Variants in GALNT16 observed in about 807,000 individuals in gnomAD.
GALNT16 encodes UDP-GalNAc:polypeptide N-acetylgalactosaminyltransferase-like protein 1.
Under a neutral mutation model 76.1 loss-of-function variants are expected in GALNT16, and 40 were observed. The ratio of observed to expected loss-of-function variants is 0.53; its 90% CI spans 0.41 to 0.68. The LOEUF is 0.68. GALNT16 is among the 30% of genes least tolerant of loss of function. The pLI is 0.00. For synonymous variants in GALNT16, 276 were observed against 285.2 expected (o/e 0.97, Z 0.32); for missense variants, 621 against 731.9 (o/e 0.85, Z 1.75).
At chr14:69,262,883 CTTT>C (rs5809423) in intron 1 of GALNT16, among the ~76,000 whole-genome samples, 1,875 of 138,902 alleles carry the variant, frequency 0.013, 39 homozygotes, top group African/African-American at 0.049. Flanking sequence ...TTCTTTTTTT[CTTT>C]TTTTTTTTTT....
rs1022697988 is a variant in GALNT16, at chr14:69,353,114, C to A, written c.*946C>A. 1.8e-4 allele frequency among the ~76,000 whole-genome samples: 27 copies of A among 152,172 alleles called. No individual in the cohort carries two copies. Among genetic ancestry groups the A allele is most frequent in the African/African-American group, 5.8e-4 (24 of 41,436 alleles). On this transcript the variant is annotated 3_prime_UTR_variant, in exon 15 of 15. Coordinates refer to ENST00000448469, the MANE Select transcript of GALNT16 (RefSeq NM_001168368.2). Reference sequence around the variant, plus strand: ...GTAGCCACACACATCCCTGAGTAGTCCCAGCCTCATTTGTCATTTTTGACT... The same window carrying A: ...GTAGCCACACACATCCCTGAGTAGTACCAGCCTCATTTGTCATTTTTGACT...
downstream of GALNT16, chr14:69,356,554 C>CTTTTTTTTTTTTTTGTTTTTT (rs2045694586): frequency 8.5e-6 from 1 of 117,330 alleles, no homozygotes; most frequent in Non-Finnish European, 1.7e-5. Context: ...GCTGTGAGCT[C>CTTTTTTTTTTTTTTGTTTTTT]TTTTTTTTTT....
chr14:69,382,048 G>A, the GALNT16 span, among the ~76,000 whole-genome samples: 1 of 152,194 alleles, frequency 6.6e-6, no homozygotes, highest in Non-Finnish European at 1.5e-5. Context: ...TATTAGCTAG[G>A]TAATGCTGGA....
chr14:69,282,670 T>G (rs1229013621), intron 1 of GALNT16, among the ~76,000 whole-genome samples: 1 of 151,574 alleles, frequency 6.6e-6, no homozygotes, highest in Non-Finnish European at 1.5e-5. Flanking sequence ...ATTTATTTAT[T>G]TATTTATTTA....
At position 69,315,809 on chromosome 14, in the gene GALNT16, TAAA is replaced by T. The variant is rs1041733568; in HGVS notation, c.178-4893_178-4891del. 5.4e-5 allele frequency among the ~76,000 whole-genome samples: 8 copies of T among 149,402 alleles called. No individual in the cohort carries two copies. In the South Asian group the frequency reaches 1.7e-3, roughly 32 times the overall value. The stretch of plus-strand genomic sequence containing the variant: ...AGAACACCCAACTCAAATCAGTTTT[TAAA>T]AAAAAAAATATGTAGGTAGGTAGGT... On this transcript the variant is annotated intron_variant, in intron 1 of 14. Coordinates refer to ENST00000448469, the MANE Select transcript of GALNT16 (RefSeq NM_001168368.2).
chr14:69,352,384 G>A lies in GALNT16; in HGVS notation c.*216G>A, dbSNP rs75088740. ...CTCAGTGCTGTCCTGGCCTTGCCCC[G>A]GGAGAGGAGATGGTCAGGGTGCTGG... is the stretch of plus-strand genomic sequence containing the variant. On this transcript the variant is annotated 3_prime_UTR_variant, in exon 15 of 15. Transcript: ENST00000448469. 73,581 of 546,744 alleles carry A rather than the reference G, an allele frequency of 0.13. 5,888 individuals are homozygous for A. Among genetic ancestry groups the A allele is most frequent in the Middle Eastern group, 0.22 (463 of 2,060 alleles). The allele number at this position is 546,744 out of a possible 1,614,324, so 33.9% of individuals were successfully genotyped here. A position where few individuals can be genotyped will look rare whatever the true frequency, so the allele number is the denominator to read the frequency against.
At chr14:69,285,040 C>CG (rs35894482) in intron 1 of GALNT16, among the ~76,000 whole-genome samples, 2,107 of 127,462 alleles carry the variant, frequency 0.017, 74 homozygotes, top group African/African-American at 0.055. Context: ...CTCGGGCACT[C>CG]TTTTTTTTTT....
chr14:69,291,801 C>A (rs192948971), intron 1 of GALNT16, among the ~76,000 whole-genome samples: 1 of 152,342 alleles, frequency 6.6e-6, no homozygotes, highest in Non-Finnish European at 1.5e-5. Context: ...CATGAGAATG[C>A]TCACAGGCTT....
chr14:69,295,844 C>T (rs998557251), intron 1 of GALNT16, among the ~76,000 whole-genome samples: 1 of 151,966 alleles, frequency 6.6e-6, no homozygotes, highest in Admixed American at 6.6e-5. Flanking sequence ...GGTTCTAAGA[C>T]CAAGGAGTAT....
intron 1 of GALNT16, among the ~76,000 whole-genome samples, chr14:69,285,089 G>A (rs1206571206): frequency 2.1e-5 from 3 of 144,860 alleles, no homozygotes; most frequent in Non-Finnish European, 4.5e-5. Context: ...CGCCCAGGCT[G>A]GAGTGGGGCA....
At chr14:69,331,657 C>T (rs71423354) in intron 7 of GALNT16, 106 bp downstream of exon 7, 1 of 734,310 alleles carries the variant, frequency 1.4e-6, no homozygotes, top group South Asian at 1.5e-5. Flanking sequence ...GCCAGAGACC[C>T]TCATGAACAC....
At chr14:69,303,537 T>C (rs1238337255) in intron 1 of GALNT16, among the ~76,000 whole-genome samples, 1 of 152,166 alleles carries the variant, frequency 6.6e-6, no homozygotes, top group Non-Finnish European at 1.5e-5. Flanking sequence ...AAGACAGCCA[T>C]TCCAAGAAGG....
At chr14:69,365,211 G>A in the GALNT16 span, among the ~76,000 whole-genome samples, 1 of 152,208 alleles carries the variant, frequency 6.6e-6, no homozygotes, top group African/African-American at 2.4e-5. Context: ...GCTTTCTGGA[G>A]TTAAAGTGGG....
rs756297709 is a variant in GALNT16 at position 69,331,476 on chromosome 14, G to A, written c.703G>A (p.Val235Met). The change falls in exon 7 of 15, where the codon GTG (valine) becomes ATG (methionine). Residue 235 changes from valine (V) to methionine (M), a missense_variant. Val to Met is a conservative substitution (Grantham distance 21). Coordinates refer to ENST00000448469, the MANE Select transcript of GALNT16 (RefSeq NM_001168368.2). ...ATCTCTCTCCTAGGACCACACCCGC[G>A]TGGTGAGTCCCATCATTGATGTCAT... ...LQRVKEDHTR[V>M]VSPIIDVISL... 11 of 1,601,130 alleles carry A rather than the reference G, an allele frequency of 6.9e-6. No homozygotes were observed. Among genetic ancestry groups the A allele is most frequent in the Middle Eastern group, 1.7e-4 (1 of 6,058 alleles).
chr14:69,331,986 A>G (rs1397802153), intron 7 of GALNT16, among the ~76,000 whole-genome samples: 1 of 152,194 alleles, frequency 6.6e-6, no homozygotes, highest in Non-Finnish European at 1.5e-5. Flanking sequence ...TGTGTATGGC[A>G]ACTATCAGCC....
At chr14:69,380,598 G>A in the GALNT16 span, 42 of 1,611,836 alleles carry the variant, frequency 2.6e-5, no homozygotes, top group Non-Finnish European at 3.5e-5. Context: ...CTTTAATCCA[G>A]TCTTTGTTAT....
At chr14:69,309,779 C>T (rs1326530541) in intron 1 of GALNT16, among the ~76,000 whole-genome samples, 3 of 151,902 alleles carry the variant, frequency 2.0e-5, no homozygotes, top group Admixed American at 6.6e-5. Context: ...TGTATTTTGA[C>T]TTTATGACAT....
chr14:69,338,303 A>T (rs775470490), intron 9 of GALNT16, among the ~76,000 whole-genome samples: 2 of 152,080 alleles, frequency 1.3e-5, no homozygotes, highest in Non-Finnish European at 2.9e-5. Flanking sequence ...TCCTTAGCTC[A>T]TGTCTGTCTG....
the GALNT16 span, among the ~76,000 whole-genome samples, chr14:69,375,701 A>G: frequency 1.3e-5 from 2 of 152,170 alleles, no homozygotes; most frequent in Non-Finnish European, 2.9e-5. Context: ...GAGTGCAATC[A>G]TAGCTCACTG....
Sources: gnomAD v4.1 joint callset for allele counts (sites outside exome capture counted in the v4.1 genomes callset) on GRCh38, gnomAD v4.1.1 for gene constraint, MANE v1.5 for transcripts, NCBI Gene and HGNC (gene_info 2026-07-23, HGNC 2026-07-21) for gene names.